NPHP4: variants seen among roughly 807,000 people sequenced by gnomAD.
NPHP4 encodes nephrocystin 4, also known as nephrocystin-4.
In NPHP4, 151 loss-of-function variants were observed where a neutral mutation model predicts 155.8. The observed-to-expected ratio is 0.97, with a 90% CI of 0.85 to 1.11. NPHP4 has a LOEUF of 1.11. Ranked by LOEUF, NPHP4 falls within the 50% of genes least tolerant of loss-of-function variation. The probability of loss-of-function intolerance (pLI) is 0.00; values close to 1 mark genes in which losing one functional copy is unlikely to be tolerated. For missense variants in NPHP4, 1,956 were observed against 1,925.7 expected, an observed-to-expected ratio of 1.02 and a Z score of -0.29; for synonymous variants, 845 against 816.8, an observed-to-expected ratio of 1.03 and a Z score of -0.59.
At position 5,892,114 on chromosome 1, in the gene NPHP4, G is replaced by A. The variant is rs1644162306; in HGVS notation, c.2144-1086C>T. Among the ~76,000 whole-genome samples, 1 of 152,116 alleles carries A rather than the reference G, an allele frequency of 6.6e-6. No homozygotes were observed. The highest frequency in any genetic ancestry group is 6.5e-5 in the Admixed American group (1 of 15,288). ...GAGCTGGTGATTAACATCACGCAAGGGCAGGCATGTCCCCAGTGTGGCACC... is the reference window on the plus strand; with the variant it reads ...GAGCTGGTGATTAACATCACGCAAGAGCAGGCATGTCCCCAGTGTGGCACC... On this transcript the variant is annotated intron_variant, in intron 16 of 29. Transcript: ENST00000378156. The surrounding 1 kb of genome is among the most constrained non-coding windows in gnomAD (Gnocchi z 4.5).
chr1:5,890,768 G>A lies in NPHP4; in HGVS notation c.2304+100C>T. On this transcript the variant is annotated intron_variant, in intron 17 of 29. Coordinates refer to ENST00000378156, the MANE Select transcript of NPHP4 (RefSeq NM_015102.5). This position sits in a 1 kb window ranked among gnomAD's most constrained non-coding sequence, Gnocchi z 4.9. Reference sequence around the variant, plus strand: ...AGAAGGTCAAACAAGTCCTGTGCGGGATAGCGCCCGCTCCTTCCAAGCAGA... The same window carrying A: ...AGAAGGTCAAACAAGTCCTGTGCGGAATAGCGCCCGCTCCTTCCAAGCAGA... 8.8e-7 allele frequency: 1 copy of A among 1,136,968 alleles called. No homozygotes were observed. Among genetic ancestry groups the A allele is most frequent in the South Asian group, 1.6e-5 (1 of 61,492 alleles). The allele number at this position is 1,136,968 out of a possible 1,614,324, so 70.4% of individuals were successfully genotyped here. A position where few individuals can be genotyped will look rare whatever the true frequency, so the allele number is the denominator to read the frequency against.
intron 3 of NPHP4, among the ~76,000 whole-genome samples, chr1:5,970,616 G>T (rs1210980833): frequency 1.3e-5 from 2 of 152,094 alleles, no homozygotes; most frequent in African/African-American, 2.4e-5. Flanking sequence ...GTGGTGCTGA[G>T]CCCATACCCC....
At chr1:5,903,380 G>A (rs770489387) in intron 16 of NPHP4, among the ~76,000 whole-genome samples, 22 of 152,114 alleles carry the variant, frequency 1.4e-4, no homozygotes, top group Non-Finnish European at 2.6e-4. Context: ...CTGCTGTCAG[G>A]TGCCACTGTT....
Position 5,944,441 on chromosome 1 carries a change from G to A in NPHP4, c.1119+2663C>T, listed in dbSNP as rs141283725. Among the ~76,000 whole-genome samples, 375 of 152,288 alleles carry A rather than the reference G, an allele frequency of 2.5e-3. 4 individuals are homozygous for A. Among genetic ancestry groups the A allele is most frequent in the African/African-American group, 8.5e-3 (354 of 41,566 alleles). On this transcript the variant is annotated intron_variant, in intron 9 of 29. Coordinates refer to ENST00000378156, the MANE Select transcript of NPHP4 (RefSeq NM_015102.5). This position sits in a 1 kb window ranked among gnomAD's most constrained non-coding sequence, Gnocchi z 4.3. ...GCTGGGCTCCTCTACCACAGCCACCGTCACAGACGGCCCCGCCATTGTGCC... is the reference window on the plus strand; with the variant it reads ...GCTGGGCTCCTCTACCACAGCCACCATCACAGACGGCCCCGCCATTGTGCC...
At chr1:5,927,988 A>G (rs1030541345) in intron 10 of NPHP4, among the ~76,000 whole-genome samples, 6 of 152,220 alleles carry the variant, frequency 3.9e-5, no homozygotes, top group African/African-American at 1.2e-4. Flanking sequence ...CCTGCAGACC[A>G]TATGATCATG....
intron 18 of NPHP4, among the ~76,000 whole-genome samples, chr1:5,885,782 C>A (rs963677534): frequency 6.6e-6 from 1 of 152,232 alleles, no homozygotes; most frequent in South Asian, 2.1e-4. Flanking sequence ...TACTGTACCA[C>A]AGAATAGCCA....
intron 9 of NPHP4, among the ~76,000 whole-genome samples, chr1:5,940,700 G>A (rs2101844632): frequency 6.6e-6 from 1 of 152,126 alleles, no homozygotes; most frequent in East Asian, 1.9e-4. Context: ...TACAACAGCA[G>A]CACAAAAAAT....
At chr1:5,975,010 T>G (rs1653280374) in intron 3 of NPHP4, among the ~76,000 whole-genome samples, 1 of 152,142 alleles carries the variant, frequency 6.6e-6, no homozygotes, top group Non-Finnish European at 1.5e-5. Context: ...CTGCCAAGTC[T>G]CAGAATCACC....
chr1:5,922,321 C>A (rs1167481885), intron 11 of NPHP4, among the ~76,000 whole-genome samples: 1 of 152,246 alleles, frequency 6.6e-6, no homozygotes, highest in East Asian at 1.9e-4. Context: ...GCTCCTGTTG[C>A]AACGTCACTA....
chr1:5,863,004 C>T lies in NPHP4; in HGVS notation c.*261G>A. 1 of 531,370 alleles carries T rather than the reference C, an allele frequency of 1.9e-6. No homozygotes were observed. Among genetic ancestry groups the T allele is most frequent in the Non-Finnish European group, 3.4e-6 (1 of 295,222 alleles). The allele number at this position is 531,370 out of a possible 1,614,324, so 32.9% of individuals were successfully genotyped here. ...ACGAGGGTCCCACATGCGTAGATGG[C>T]AGCACCAGAGCCAGACCCACCACCA... On this transcript the variant is annotated 3_prime_UTR_variant, in exon 30 of 30. Coordinates refer to ENST00000378156, the MANE Select transcript of NPHP4 (RefSeq NM_015102.5).
intron 9 of NPHP4, among the ~76,000 whole-genome samples, chr1:5,945,179 G>A (rs1357940936): frequency 6.6e-6 from 1 of 152,166 alleles, no homozygotes; most frequent in Admixed American, 6.5e-5. Flanking sequence ...CACTGAGAGT[G>A]AGGCGCCAGC....
intron 2 of NPHP4, among the ~76,000 whole-genome samples, chr1:5,984,561 C>T (rs902644525): frequency 5.3e-5 from 8 of 151,820 alleles, no homozygotes; most frequent in African/African-American, 9.7e-5. Flanking sequence ...TGGTACAGAA[C>T]GGAATACAGG....
At chr1:5,956,345 G>A (rs1649234758) in intron 6 of NPHP4, among the ~76,000 whole-genome samples, 1 of 152,234 alleles carries the variant, frequency 6.6e-6, no homozygotes, top group Non-Finnish European at 1.5e-5. Flanking sequence ...CAATAGTTGT[G>A]ACCCTGGTCT....
rs1643695162 is a variant in NPHP4, at chr1:5,885,301, C to T, written c.2485+1985G>A. On this transcript the variant is annotated intron_variant, in intron 18 of 29. Transcript: ENST00000378156. ...TAAGTGCCCAAGCTCCCAGAAAAACCCCCGTCCTACTCTACAACCAAGATC... is the reference window on the plus strand; with the variant it reads ...TAAGTGCCCAAGCTCCCAGAAAAACTCCCGTCCTACTCTACAACCAAGATC... 2.0e-5 allele frequency among the ~76,000 whole-genome samples: 3 copies of T among 148,210 alleles called. No homozygotes were observed. In the South Asian group the frequency reaches 6.5e-4, roughly 32 times the overall value.
At chr1:5,964,864 A>C (rs994055801) in intron 5 of NPHP4, among the ~76,000 whole-genome samples, 1 of 145,552 alleles carries the variant, frequency 6.9e-6, no homozygotes, top group African/African-American at 2.5e-5. Context: ...TATTTTATAT[A>C]TATATAACAC....
At chr1:5,895,980 G>T (rs1318127399) in intron 16 of NPHP4, among the ~76,000 whole-genome samples, 1 of 152,240 alleles carries the variant, frequency 6.6e-6, no homozygotes, top group Non-Finnish European at 1.5e-5. Context: ...GGGCACAGGC[G>T]ACGTCTGCGC....
chr1:5,897,486 G>A (rs184166445), intron 16 of NPHP4, among the ~76,000 whole-genome samples: 2 of 152,324 alleles, frequency 1.3e-5, no homozygotes, highest in Admixed American at 6.5e-5. Context: ...AAGTGTTCAT[G>A]CTGAGATCCA....
intron 7 of NPHP4, among the ~76,000 whole-genome samples, chr1:5,949,177 C>T (rs1378917128): frequency 6.6e-6 from 1 of 152,176 alleles, no homozygotes; most frequent in Non-Finnish European, 1.5e-5. Flanking sequence ...TCTACCCTCA[C>T]ACAATCCGCC....
At position 5,949,976 on chromosome 1, in the gene NPHP4, G is replaced by C. The variant is rs570454366; in HGVS notation, c.811-1725C>G. Among the ~76,000 whole-genome samples, 9 of 152,264 alleles carry C rather than the reference G, an allele frequency of 5.9e-5. No individual in the cohort carries two copies. The East Asian group carries it at 1.5e-3, about 26-fold the overall frequency. ...GTCCAAGGGCAATGAGAAGCCAGCA[G>C]CAGGTTTTAAACACAGAAGAAAAAT... On this transcript the variant is annotated intron_variant, in intron 7 of 29. Transcript: ENST00000378156.
Sources: gnomAD v4.1 joint callset for allele counts (sites outside exome capture counted in the v4.1 genomes callset) on GRCh38, gnomAD v4.1.1 for gene constraint, Gnocchi (gnomAD v3.1) non-coding constraint, MANE v1.5 for transcripts, NCBI Gene and HGNC (gene_info 2026-07-23, HGNC 2026-07-21) for gene names.